Variants in ABCC1 observed in about 807,000 individuals in gnomAD.
ABCC1 encodes the protein multidrug resistance-associated protein 1.
ABCC1 carries 83 observed loss-of-function variants against 172.9 expected under a neutral mutation model. The observed-to-expected ratio is 0.48, with a 90% confidence interval of 0.40 to 0.58. The LOEUF (loss-of-function observed/expected upper bound fraction) is 0.58. Ranked by LOEUF, ABCC1 falls within the 20% of genes least tolerant of loss-of-function variation. The pLI is 0.00. For missense variants in ABCC1, 1,817 were observed against 2,002.7 expected, an observed-to-expected ratio of 0.91 and a Z score of 1.77; for synonymous variants, 937 against 825.2, an observed-to-expected ratio of 1.14 and a Z score of -2.32.
chr16:16,092,144 A>G (rs1444266135), intron 19 of ABCC1, among the ~76,000 whole-genome samples: 3 of 152,224 alleles, frequency 2.0e-5, no homozygotes, highest in African/African-American at 7.2e-5. Context: ...AGGCTGAGGC[A>G]GGAGAATAGT....
chr16:15,967,558 C>T (rs370684431), intron 1 of ABCC1, among the ~76,000 whole-genome samples: 1 of 150,932 alleles, frequency 6.6e-6, no homozygotes, highest in African/African-American at 2.4e-5. Flanking sequence ...GCCTGGGCAA[C>T]AGAAAGACCC....
chr16:15,958,054 C>G (rs933095251), intron 1 of ABCC1, among the ~76,000 whole-genome samples: 2 of 152,200 alleles, frequency 1.3e-5, no homozygotes, highest in South Asian at 4.1e-4. Flanking sequence ...AGTCCCCACC[C>G]CTCCCTGTTG....
intron 18 of ABCC1, among the ~76,000 whole-genome samples, chr16:16,087,747 C>A (rs1209880672): frequency 6.6e-6 from 1 of 152,214 alleles, no homozygotes; most frequent in Non-Finnish European, 1.5e-5. Flanking sequence ...GCGTGAGCCA[C>A]CACACCCGGC....
rs2151890527 is a variant in ABCC1 at position 16,048,235 on chromosome 16, G to A, written c.1312G>A (p.Ala438Thr). 2 of 1,614,182 alleles carry A rather than the reference G, an allele frequency of 1.2e-6. No homozygotes were observed. The highest frequency in any genetic ancestry group is 1.7e-6 in the Non-Finnish European group (2 of 1,180,036). The change falls in exon 10 of 31, where the codon GCC becomes ACC. Residue 438 changes from alanine to threonine, a missense_variant. This residue lies in a region of ABCC1 where 1,412 missense variants were observed against 1,600.3 expected (regional missense o/e 0.88). Coordinates refer to ENST00000399410, the MANE Select transcript of ABCC1 (RefSeq NM_004996.4). ...GGACGCTCAGAGGTTCATGGACTTG[G>A]CCACGTACATTAACATGATCTGGTC... is the stretch of plus-strand genomic sequence containing the variant. ...SVDAQRFMDL[A>T]TYINMIWSAP...
chr16:16,007,030 A>G (rs1046960073), intron 1 of ABCC1, among the ~76,000 whole-genome samples: 8 of 152,178 alleles, frequency 5.3e-5, no homozygotes, highest in Admixed American at 4.6e-4. Flanking sequence ...TCACAAGGTC[A>G]GAGTGATCTA....
chr16:16,134,365 C>T lies in ABCC1; in HGVS notation c.3982C>T (p.Arg1328Trp), dbSNP rs763625231. ...TGTCCTGCAGGTCGGCATCGTGGGG[C>T]GGACGGGAGCTGGGAAGTCGTCCCT... is the stretch of plus-strand genomic sequence containing the variant. Reference protein sequence around the residue: ...NGGEKVGIVGRTGAGKSSLTL... With the variant: ...NGGEKVGIVGWTGAGKSSLTL... The change falls in exon 28 of 31, where the codon CGG (arginine) becomes TGG (tryptophan). Residue 1328 changes from arginine to tryptophan, a missense_variant. This residue lies in a region of ABCC1 where 1,412 missense variants were observed against 1,600.3 expected (regional missense o/e 0.88). Transcript: ENST00000399410. 3.7e-6 allele frequency: 6 copies of T among 1,613,936 alleles called. No individual in the cohort carries two copies. The highest frequency in any genetic ancestry group is 2.2e-5 in the East Asian group (1 of 44,864).
intron 10 of ABCC1, among the ~76,000 whole-genome samples, chr16:16,049,264 A>G (rs953293603): frequency 6.6e-6 from 1 of 152,172 alleles, no homozygotes; most frequent in Non-Finnish European, 1.5e-5. Context: ...AGTCAGTCTC[A>G]GAGAGCACTC....
intron 1 of ABCC1, among the ~76,000 whole-genome samples, chr16:15,957,834 C>T (rs45479093): frequency 0.026 from 3,909 of 152,032 alleles, 182 homozygotes; most frequent in African/African-American, 0.088. Context: ...CCTCGTGATC[C>T]GCCCGCCTCG....
intron 7 of ABCC1, among the ~76,000 whole-genome samples, chr16:16,044,088 T>A (rs2049097436): frequency 6.6e-6 from 1 of 152,232 alleles, no homozygotes; most frequent in Non-Finnish European, 1.5e-5. Context: ...CTAGATCAGT[T>A]TGGAGCCATC....
intron 1 of ABCC1, among the ~76,000 whole-genome samples, chr16:15,981,989 G>A (rs1408610231): frequency 2.0e-5 from 3 of 152,118 alleles, no homozygotes; most frequent in Non-Finnish European, 4.4e-5. Context: ...CTTAAGCATA[G>A]CAAGAGTCAC....
intron 20 of ABCC1, among the ~76,000 whole-genome samples, chr16:16,104,804 G>T (rs985070294): frequency 6.6e-6 from 1 of 152,172 alleles, no homozygotes; most frequent in Non-Finnish European, 1.5e-5. Flanking sequence ...TGCAGGTCCC[G>T]AGCCCTGCCC....
At chr16:16,106,065 C>T (rs1004325662) in intron 20 of ABCC1, among the ~76,000 whole-genome samples, 3 of 151,752 alleles carry the variant, frequency 2.0e-5, no homozygotes, top group African/African-American at 4.8e-5. Context: ...TTAGTAGAGA[C>T]GGGGTTTCAC....
At chr16:16,090,233 A>G (rs1388878006) in intron 18 of ABCC1, among the ~76,000 whole-genome samples, 172 bp from the exon 19 acceptor site, 1 of 152,138 alleles carries the variant, frequency 6.6e-6, no homozygotes, top group African/African-American at 2.4e-5. Flanking sequence ...GACCGTGTGC[A>G]CAGGTTCAGC....
In ABCC1 at chr16:16,036,599, A is replaced by C. The variant is rs1337081313; in HGVS notation, c.805A>C (p.Arg269=). 6.2e-7 allele frequency: 1 copy of C among 1,613,836 alleles called. No individual in the cohort carries two copies. Among genetic ancestry groups the C allele is most frequent in the Non-Finnish European group, 8.5e-7 (1 of 1,179,810 alleles). Residue 269 remains arginine, a synonymous_variant, in exon 7 of 31, where the codon AGG becomes CGG. Transcript: ENST00000399410. ...CTGGAAGAAGGAATGCGCCAAGACT[A>C]GGAAGTAAGTGTGAGTTTCCTTGTC... ...KNWKKECAKT[R]KQPVKVVYSS...
At chr16:16,114,711 G>C in intron 22 of ABCC1, 55 bp from the exon 23 acceptor site, 1 of 1,525,678 alleles carries the variant, frequency 6.6e-7, no homozygotes, top group South Asian at 1.3e-5. Context: ...CCTCCCTGCA[G>C]TGCCTGGTCA....
intron 19 of ABCC1, among the ~76,000 whole-genome samples, chr16:16,092,279 C>T (rs1696164161): frequency 3.3e-5 from 5 of 152,072 alleles, no homozygotes; most frequent in Admixed American, 3.3e-4. Context: ...ATACAACATA[C>T]AATTAACCCA....
At chr16:16,118,139 G>A (rs1340024836) in intron 23 of ABCC1, among the ~76,000 whole-genome samples, 1 of 152,190 alleles carries the variant, frequency 6.6e-6, no homozygotes, top group African/African-American at 2.4e-5. Flanking sequence ...TGCTGTTACC[G>A]CTAAAGGATT....
intron 1 of ABCC1, among the ~76,000 whole-genome samples, chr16:16,003,713 G>A (rs2047407079): frequency 8.1e-6 from 1 of 122,930 alleles, no homozygotes; most frequent in Non-Finnish European, 1.8e-5. Context: ...GGTGGGTAGG[G>A]TGGATGGGTG....
intron 1 of ABCC1, among the ~76,000 whole-genome samples, chr16:16,006,565 C>CTT (rs11441919): frequency 0.017 from 2,489 of 148,030 alleles, 48 homozygotes; most frequent in African/African-American, 0.046. Flanking sequence ...AAAATACAGG[C>CTT]TTTTTTTTTT....
Sources: allele counts gnomAD v4.1 joint callset (sites outside exome capture counted in the v4.1 genomes callset), GRCh38; gene constraint gnomAD v4.1.1; regional missense constraint gnomAD v4.1.1; transcripts MANE v1.5; gene names NCBI Gene and HGNC (gene_info 2026-07-23, HGNC 2026-07-21).